The following CSNK1G1 variants were observed in gnomAD, a reference collection of about 807,000 sequenced individuals.
The protein encoded by CSNK1G1 is casein kinase 1 gamma 1, also known as casein kinase I isoform gamma-1.
A neutral mutation model predicts 59.6 loss-of-function variants in CSNK1G1; 22 were observed. That is an observed-to-expected ratio of 0.37 (90% CI 0.26 to 0.53). The LOEUF is 0.53. CSNK1G1 is among the 20% of genes least tolerant of loss of function. CSNK1G1 has a pLI of 0.89. For missense variants in CSNK1G1, 384 were observed against 519.5 expected, an observed-to-expected ratio of 0.74 and a Z score of 2.54; for synonymous variants, 179 against 177.1, an observed-to-expected ratio of 1.01 and a Z score of -0.08.
intron 1 of CSNK1G1, among the ~76,000 whole-genome samples, chr15:64,350,906 T>C (rs1379601421): frequency 2.0e-5 from 3 of 152,098 alleles, no homozygotes; most frequent in Admixed American, 1.3e-4. Flanking sequence ...AATCCATTCT[T>C]TTTCTTTTTT....
rs2082094458 is a variant in CSNK1G1, at chr15:64,200,616, G to A, written c.1107+2466C>T. 6.6e-6 allele frequency among the ~76,000 whole-genome samples: 1 copy of A among 152,180 alleles called. No individual in the cohort carries two copies. Among genetic ancestry groups the A allele is most frequent in the South Asian group, 2.1e-4 (1 of 4,826 alleles). ...CCGCCTCGGCCTCCCAAAGTGCTGG[G>A]ATTACAGGCGTGAGCCACTGCGCCT... On this transcript the variant is annotated intron_variant, in intron 10 of 11. Transcript: ENST00000303052. The surrounding 1 kb of genome is among the most constrained non-coding windows in gnomAD (Gnocchi z 4.3).
intron 1 of CSNK1G1, among the ~76,000 whole-genome samples, chr15:64,334,907 A>C (rs1392026094): frequency 6.6e-6 from 1 of 152,234 alleles, no homozygotes; most frequent in African/African-American, 2.4e-5. Flanking sequence ...CAGCAGTTAA[A>C]CTTACCTTCA....
In CSNK1G1 at chr15:64,199,777, C is replaced by T. The variant is rs563639706; in HGVS notation, c.1107+3305G>A. 4.4e-3 allele frequency among the ~76,000 whole-genome samples: 675 copies of T among 152,056 alleles called. 14 individuals carry two copies. The South Asian group carries it at 0.052, about 12-fold the overall frequency. On this transcript the variant is annotated intron_variant, in intron 10 of 11. Transcript: ENST00000303052. ...CTGAGGCAGGAGAGTTGCTCGAACC[C>T]GGGAGGTGGAGGTTGCAGTGACGCG... is the stretch of plus-strand genomic sequence containing the variant.
chr15:64,236,110 C>A lies in CSNK1G1; in HGVS notation c.292+15402G>T, dbSNP rs906870848. Among the ~76,000 whole-genome samples the A allele has an allele frequency of 8.2e-5, 12 of 146,342 alleles. No individual in the cohort carries two copies. The East Asian group carries it at 2.2e-3, about 27-fold the overall frequency. Reference sequence around the variant, plus strand: ...GTGAGCTGAGATTGTGCCACCACACCCCAGCCTGGGCGACAGAGTGAGACT... The same window carrying A: ...GTGAGCTGAGATTGTGCCACCACACACCAGCCTGGGCGACAGAGTGAGACT... On this transcript the variant is annotated intron_variant, in intron 4 of 11. Coordinates refer to ENST00000303052, the MANE Select transcript of CSNK1G1 (RefSeq NM_022048.5).
chr15:64,355,604 G>C (rs1486017834), intron 1 of CSNK1G1, among the ~76,000 whole-genome samples: 1 of 152,238 alleles, frequency 6.6e-6, no homozygotes, highest in Non-Finnish European at 1.5e-5. Flanking sequence ...TAGGGAAAGA[G>C]GGCAATGGAA....
chr15:64,339,917 C>G (rs1327207714), intron 1 of CSNK1G1, among the ~76,000 whole-genome samples: 1 of 152,184 alleles, frequency 6.6e-6, no homozygotes, highest in Non-Finnish European at 1.5e-5. Context: ...TGACTATATG[C>G]TATGCCCAAG....
At chr15:64,283,342 C>CTT (rs58497751) in intron 2 of CSNK1G1, among the ~76,000 whole-genome samples, 1 of 144,776 alleles carries the variant, frequency 6.9e-6, no homozygotes. Flanking sequence ...TTTTAAGTTT[C>CTT]TTTTTTTTTT....
chr15:64,334,699 T>C (rs926160805), intron 1 of CSNK1G1, among the ~76,000 whole-genome samples: 6 of 152,252 alleles, frequency 3.9e-5, no homozygotes, highest in South Asian at 2.1e-4. Context: ...AATGCTGCCA[T>C]TGATCTGACA....
At chr15:64,267,075 G>A (rs968352299) in intron 2 of CSNK1G1, among the ~76,000 whole-genome samples, 1 of 151,966 alleles carries the variant, frequency 6.6e-6, no homozygotes, top group Non-Finnish European at 1.5e-5. Context: ...GGCCAACATG[G>A]CGAAACCCCA....
intron 1 of CSNK1G1, among the ~76,000 whole-genome samples, chr15:64,354,414 T>A (rs1281995298): frequency 2.6e-5 from 4 of 152,262 alleles, no homozygotes; most frequent in Admixed American, 6.5e-5. Flanking sequence ...TACTTTTTCA[T>A]GTATTTCGTG....
chr15:64,258,031 T>C (rs1295512489), intron 3 of CSNK1G1, among the ~76,000 whole-genome samples: 2 of 152,118 alleles, frequency 1.3e-5, no homozygotes, highest in Non-Finnish European at 2.9e-5. Context: ...TGTCAGTTCC[T>C]CACAAGACAA....
At position 64,264,260 on chromosome 15, in the gene CSNK1G1, A is replaced by G. The variant is rs139459316; in HGVS notation, c.182-5019T>C. On this transcript the variant is annotated intron_variant, in intron 2 of 11. Coordinates refer to ENST00000303052, the MANE Select transcript of CSNK1G1 (RefSeq NM_022048.5). ...TAATCTGACAACTATATGAGAACAA[A>G]TGTTTAAAAATCTGAAGAAATGGAA... 2.4e-3 allele frequency among the ~76,000 whole-genome samples: 362 copies of G among 152,330 alleles called. 1 individual carries two copies. The highest frequency in any genetic ancestry group is 8.5e-3 in the African/African-American group (352 of 41,572).
intron 10 of CSNK1G1, chr15:64,189,340 C>A: frequency 8.4e-7 from 1 of 1,195,672 alleles, no homozygotes; most frequent in Non-Finnish European, 1.1e-6. Context: ...TCCTTCTTTA[C>A]CTGCTTTTTA....
chr15:64,242,991 A>C (rs1891550969), intron 4 of CSNK1G1, among the ~76,000 whole-genome samples: 1 of 152,128 alleles, frequency 6.6e-6, no homozygotes, highest in Admixed American at 6.6e-5. Context: ...TGATCATCTC[A>C]ATAGACACAG....
At chr15:64,326,019 G>A (rs1258896421) in intron 1 of CSNK1G1, among the ~76,000 whole-genome samples, 10 of 152,130 alleles carry the variant, frequency 6.6e-5, no homozygotes, top group African/African-American at 2.4e-4. Flanking sequence ...TTTAAGCCAT[G>A]AACTACAAAA....
chr15:64,187,787 A>G (rs1304823500), intron 10 of CSNK1G1, among the ~76,000 whole-genome samples: 1 of 152,250 alleles, frequency 6.6e-6, no homozygotes, highest in Non-Finnish European at 1.5e-5. Flanking sequence ...AAGACAAGTT[A>G]AGAGATACCA....
At chr15:64,292,324 T>C (rs1455714737) in intron 2 of CSNK1G1, among the ~76,000 whole-genome samples, 1 of 151,556 alleles carries the variant, frequency 6.6e-6, no homozygotes, top group African/African-American at 2.4e-5. Context: ...ATCACAGAAA[T>C]AAGTGTCTTA....
At chr15:64,233,874 CTA>C (rs1241406979) in intron 4 of CSNK1G1, among the ~76,000 whole-genome samples, 4 of 152,100 alleles carry the variant, frequency 2.6e-5, no homozygotes, top group African/African-American at 9.7e-5. Flanking sequence ...ACAACTCTTC[CTA>C]TTTTTTTCTT....
At position 64,287,102 on chromosome 15, in the gene CSNK1G1, C is replaced by T. The variant is rs144662199; in HGVS notation, c.181+13217G>A. On this transcript the variant is annotated intron_variant, in intron 2 of 11. Transcript: ENST00000303052. The stretch of plus-strand genomic sequence containing the variant: ...TTTCAACTATACATTTAACCAGTAA[C>T]CGGTAAGACTACATGGCATATAATA... Among the ~76,000 whole-genome samples the T allele has an allele frequency of 2.1e-3, 320 of 152,138 alleles. 1 individual carries two copies. Among genetic ancestry groups the T allele is most frequent in the African/African-American group, 7.3e-3 (305 of 41,506 alleles).
Sources: gnomAD v4.1 joint callset for allele counts (sites outside exome capture counted in the v4.1 genomes callset) on GRCh38, gnomAD v4.1.1 for gene constraint, Gnocchi (gnomAD v3.1) non-coding constraint, MANE v1.5 for transcripts, NCBI Gene and HGNC (gene_info 2026-07-23, HGNC 2026-07-21) for gene names.